The following DHRSX variants were observed in gnomAD, a reference collection of about 807,000 sequenced individuals.
DHRSX encodes the protein polyprenol dehydrogenase.
In DHRSX, 31 loss-of-function variants were observed where a neutral mutation model predicts 34.0. The observed-to-expected ratio is 0.91, with a 90% CI of 0.69 to 1.23. The LOEUF (loss-of-function observed/expected upper bound fraction) is 1.23. Among genes scored for constraint, DHRSX ranks in the 50% most tolerant of loss-of-function variants. The probability of loss-of-function intolerance (pLI) is 0.00; values close to 1 mark genes in which losing one functional copy is unlikely to be tolerated. For synonymous variants in DHRSX, 201 were observed against 183.8 expected, an observed-to-expected ratio of 1.09 and a Z score of -0.76; for missense variants, 414 against 428.1, an observed-to-expected ratio of 0.97 and a Z score of 0.29.
intron 3 of DHRSX, among the ~76,000 whole-genome samples, chrX:2,328,563 A>G (rs891207499): frequency 6.6e-6 from 1 of 151,728 alleles, no homozygotes; most frequent in African/African-American, 2.4e-5. Context: ...TCATAAGAGG[A>G]GATGAGGACA....
chrX:2,464,098 C>A (rs1240982211), intron 1 of DHRSX, among the ~76,000 whole-genome samples: 2 of 152,098 alleles, frequency 1.3e-5, no homozygotes, highest in Non-Finnish European at 2.9e-5. Flanking sequence ...TGAAGATGTT[C>A]CCTAAGTACG....
chrX:2,419,236 A>G (rs1254792929), intron 2 of DHRSX, among the ~76,000 whole-genome samples: 1 of 152,160 alleles, frequency 6.6e-6, no homozygotes, highest in African/African-American at 2.4e-5. Context: ...ACCCTTATAA[A>G]AGAGACCCCA....
intron 3 of DHRSX, among the ~76,000 whole-genome samples, chrX:2,389,247 G>A (rs2043307075): frequency 6.6e-6 from 1 of 152,136 alleles, no homozygotes; most frequent in Non-Finnish European, 1.5e-5. Flanking sequence ...TCTCTCACCT[G>A]CACCCAGGTG....
intron 1 of DHRSX, among the ~76,000 whole-genome samples, chrX:2,457,088 A>C (rs1171975918): frequency 5.3e-5 from 8 of 152,046 alleles, no homozygotes; most frequent in Non-Finnish European, 1.0e-4. Flanking sequence ...CATGATAGAG[A>C]CACCCAATGA....
chrX:2,463,584 C>G (rs1241182772), intron 1 of DHRSX, among the ~76,000 whole-genome samples: 1 of 152,136 alleles, frequency 6.6e-6, no homozygotes, highest in Non-Finnish European at 1.5e-5. Flanking sequence ...CAAAGGAAGC[C>G]TTGGCTGTGA....
intron 3 of DHRSX, among the ~76,000 whole-genome samples, chrX:2,345,546 A>G (rs1369970830): frequency 6.6e-6 from 1 of 151,592 alleles, no homozygotes; most frequent in Admixed American, 6.6e-5. Flanking sequence ...ACTCGGGAGG[A>G]TGAGGCAGAA....
intron 2 of DHRSX, among the ~76,000 whole-genome samples, chrX:2,420,561 G>A (rs1342317516): frequency 6.6e-6 from 1 of 151,794 alleles, no homozygotes; most frequent in African/African-American, 2.4e-5. Flanking sequence ...TGGCCAACAT[G>A]GTGAAACCCC....
chrX:2,304,140 A>AACGGATGG (rs2042063481), intron 3 of DHRSX, among the ~76,000 whole-genome samples: 2 of 31,404 alleles, frequency 6.4e-5, no homozygotes, highest in African/African-American at 1.1e-4. Context: ...TGGATGGATG[A>AACGGATGG]ATGGATGGAT....
intron 1 of DHRSX, among the ~76,000 whole-genome samples, chrX:2,490,952 G>A (rs1299930089): frequency 6.6e-6 from 1 of 152,100 alleles, no homozygotes; most frequent in Non-Finnish European, 1.5e-5. Context: ...CCTAGCGCAG[G>A]AATACGCTCT....
intron 4 of DHRSX, among the ~76,000 whole-genome samples, chrX:2,269,746 G>A (rs2041524236): frequency 6.6e-6 from 1 of 152,090 alleles, no homozygotes; most frequent in Admixed American, 6.6e-5. Flanking sequence ...TGCCATGTTG[G>A]CCAGGCTGCT....
At chrX:2,489,507 T>G in intron 1 of DHRSX, 2 of 1,613,242 alleles carry the variant, frequency 1.2e-6, no homozygotes, top group South Asian at 2.2e-5. Context: ...GCCACCTGCT[T>G]GAAGGGCTGC....
chrX:2,235,742 A>G (rs1455567254), intron 6 of DHRSX, among the ~76,000 whole-genome samples: 87 of 53,318 alleles, frequency 1.6e-3, no homozygotes, highest in African/African-American at 2.5e-3. Flanking sequence ...CTCAGGGGAA[A>G]AAAAAAAAAA....
intron 1 of DHRSX, among the ~76,000 whole-genome samples, chrX:2,439,681 C>T (rs1049771370): frequency 3.9e-5 from 6 of 152,092 alleles, no homozygotes; most frequent in African/African-American, 1.4e-4. Context: ...GTGATGAGAG[C>T]CAGTGACAGA....
chrX:2,389,643 C>T (rs1452538040), intron 3 of DHRSX, among the ~76,000 whole-genome samples: 2 of 152,180 alleles, frequency 1.3e-5, no homozygotes, highest in African/African-American at 4.8e-5. Flanking sequence ...AACAGCTGCA[C>T]AAGGATGCTC....
At chrX:2,240,110 T>C (rs1026459628) in intron 6 of DHRSX, among the ~76,000 whole-genome samples, 1 of 151,858 alleles carries the variant, frequency 6.6e-6, no homozygotes, top group African/African-American at 2.4e-5. Context: ...CTGGGCAACA[T>C]AATGAAACCC....
chrX:2,488,201 G>C (rs1433608974), intron 1 of DHRSX: 2 of 164,196 alleles, frequency 1.2e-5, no homozygotes, highest in Non-Finnish European at 2.6e-5. Flanking sequence ...TTTTCTTTTT[G>C]AGAGAGTCTC....
At chrX:2,413,466 G>A (rs1030132113) in intron 2 of DHRSX, among the ~76,000 whole-genome samples, 2 of 152,056 alleles carry the variant, frequency 1.3e-5, no homozygotes, top group African/African-American at 4.8e-5. Flanking sequence ...AACATGTAAG[G>A]TAATGGATAT....
At chrX:2,493,994 A>AG (rs1237174164) in intron 1 of DHRSX, among the ~76,000 whole-genome samples, 1 of 151,816 alleles carries the variant, frequency 6.6e-6, no homozygotes, top group East Asian at 1.9e-4. Context: ...AAAACAAAAA[A>AG]AAAGATATAT....
At chrX:2,405,169 A>T (rs2043536460) in intron 3 of DHRSX, among the ~76,000 whole-genome samples, 1 of 152,172 alleles carries the variant, frequency 6.6e-6, no homozygotes, top group African/African-American at 2.4e-5. Flanking sequence ...AGCTCTGTGT[A>T]GCGTTCATTT....
Sources: gnomAD v4.1 joint callset for allele counts (sites outside exome capture counted in the v4.1 genomes callset) on GRCh38, gnomAD v4.1.1 for gene constraint, MANE v1.5 for transcripts, NCBI Gene and HGNC (gene_info 2026-07-23, HGNC 2026-07-21) for gene names.